MAPK4: variants seen among roughly 807,000 people sequenced by gnomAD.
MAPK4 encodes the protein mitogen-activated protein kinase 4, also known as Erk3-related.
A neutral mutation model predicts 47.7 loss-of-function variants in MAPK4; 22 were observed. The observed-to-expected ratio is 0.46, with a 90% confidence interval of 0.33 to 0.66. MAPK4 has a LOEUF of 0.66. Ranked by LOEUF, MAPK4 falls within the 30% of genes least tolerant of loss-of-function variation. The pLI is 0.02. For synonymous variants in MAPK4, 390 were observed against 365.7 expected (o/e 1.07, Z -0.76); for missense variants, 736 against 831.7 (o/e 0.88, Z 1.42).
rs78929020 is a variant in MAPK4 at position 50,577,913 on chromosome 18, T to C, written c.-871+17670T>C. Among the ~76,000 whole-genome samples the C allele has an allele frequency of 2.5e-4, 38 of 152,320 alleles. No individual in the cohort carries two copies. In the East Asian group the frequency reaches 7.3e-3, roughly 29 times the overall value. On this transcript the variant is annotated intron_variant, in intron 1 of 5. Transcript: ENST00000400384. Reference sequence around the variant, plus strand: ...GCACATCTGCCTGTCATACTCCTGATGTATCTAACATTGTTATTTGGAGAA... The same window carrying C: ...GCACATCTGCCTGTCATACTCCTGACGTATCTAACATTGTTATTTGGAGAA...
chr18:50,619,235 G>GA (rs2042710254), intron 1 of MAPK4, among the ~76,000 whole-genome samples: 1 of 152,286 alleles, frequency 6.6e-6, no homozygotes, highest in African/African-American at 2.4e-5. Flanking sequence ...AAAATTAAGT[G>GA]ATCAGCCATG....
At chr18:50,698,032 G>A (rs573461330) in intron 2 of MAPK4, among the ~76,000 whole-genome samples, 73 of 152,308 alleles carry the variant, frequency 4.8e-4, no homozygotes, top group Non-Finnish European at 8.2e-4. Context: ...AAATCAAAGT[G>A]GCAGCTGATC....
rs1911377740 is a variant in MAPK4, at chr18:50,729,214, C to G, written c.1124C>G (p.Ala375Gly). 6.3e-7 allele frequency: 1 copy of G among 1,599,866 alleles called. No individual in the cohort carries two copies. Among genetic ancestry groups the G allele is most frequent in the South Asian group, 1.1e-5 (1 of 90,604 alleles). ...LEWRPDRCQD[A>G]SEVQRDPRAG... ...TGGCGGCCTGACCGGTGCCAGGACG[C>G]CAGCGAGGTACAGCGCGACCCGCGC... The change falls in exon 6 of 6, where the codon GCC (alanine) becomes GGC (glycine). Residue 375 changes from alanine (A) to glycine (G), a missense_variant. Around this residue, in one of 3 missense-constraint regions of MAPK4, gnomAD observed 377 missense variants for 378.6 expected, o/e 1.00. Transcript: ENST00000400384.
At chr18:50,721,819 C>T in intron 3 of MAPK4, 119 bp from the exon 4 acceptor site, 4 of 910,792 alleles carry the variant, frequency 4.4e-6, no homozygotes, top group Non-Finnish European at 6.6e-6. Flanking sequence ...CCGGTCCCAG[C>T]CCAGTGCTGC....
chr18:50,685,169 G>A (rs1236554976), intron 2 of MAPK4, among the ~76,000 whole-genome samples: 2 of 152,200 alleles, frequency 1.3e-5, no homozygotes, highest in Non-Finnish European at 2.9e-5. Context: ...GTGACCAGGA[G>A]CAAACATTAC....
intron 1 of MAPK4, among the ~76,000 whole-genome samples, chr18:50,568,141 A>G (rs1484379715): frequency 6.6e-6 from 1 of 151,112 alleles, no homozygotes; most frequent in Non-Finnish European, 1.5e-5. Context: ...GCTTGCAGTG[A>G]GCCGAGATCG....
At chr18:50,684,307 C>T (rs899742994) in intron 2 of MAPK4, among the ~76,000 whole-genome samples, 3 of 152,178 alleles carry the variant, frequency 2.0e-5, no homozygotes, top group Non-Finnish European at 2.9e-5. Context: ...TGCTTTGGGA[C>T]GCTGAGGTGG....
chr18:50,586,559 C>T lies in MAPK4; in HGVS notation c.-871+26316C>T, dbSNP rs1356287181. On this transcript the variant is annotated intron_variant, in intron 1 of 5. Transcript: ENST00000400384. ...GGGCAGAAAACGTAATGTATTTAGG[C>T]CTCAGAGTCCTCATCTGCAAATGTG... Among the ~76,000 whole-genome samples, 4 of 151,916 alleles carry T rather than the reference C, an allele frequency of 2.6e-5. No homozygotes were observed. In the East Asian group the frequency reaches 5.8e-4, roughly 22 times the overall value.
intron 1 of MAPK4, among the ~76,000 whole-genome samples, chr18:50,650,879 A>G (rs2043041217): frequency 6.6e-6 from 1 of 152,230 alleles, no homozygotes; most frequent in Non-Finnish European, 1.5e-5. Flanking sequence ...AATCCTGGCC[A>G]TGCACGGGCC....
intron 1 of MAPK4, among the ~76,000 whole-genome samples, chr18:50,609,388 T>A (rs2042612551): frequency 6.6e-6 from 1 of 151,036 alleles, no homozygotes; most frequent in Admixed American, 6.6e-5. Context: ...GGGCGGGGGC[T>A]GCCCCCCGCC....
intron 1 of MAPK4, among the ~76,000 whole-genome samples, chr18:50,571,258 T>G (rs568368536): frequency 1.3e-5 from 2 of 152,234 alleles, no homozygotes; most frequent in African/African-American, 4.8e-5. Flanking sequence ...GAAAAATTAG[T>G]CCACCATATT....
At chr18:50,699,375 G>A (rs1388995058) in intron 2 of MAPK4, among the ~76,000 whole-genome samples, 1 of 152,186 alleles carries the variant, frequency 6.6e-6, no homozygotes, top group Non-Finnish European at 1.5e-5. Flanking sequence ...CATTGCACTA[G>A]TGGTCCTAGC....
intron 1 of MAPK4, among the ~76,000 whole-genome samples, chr18:50,640,787 T>G (rs1047786619): frequency 6.6e-6 from 1 of 152,054 alleles, no homozygotes; most frequent in East Asian, 1.9e-4. Flanking sequence ...TTTTCATCTT[T>G]CATCCCTTCT....
chr18:50,571,461 A>G (rs1177136584), intron 1 of MAPK4, among the ~76,000 whole-genome samples: 3 of 152,198 alleles, frequency 2.0e-5, no homozygotes, highest in African/African-American at 7.2e-5. Flanking sequence ...TTTTGGAGGC[A>G]GAATGGCCAG....
chr18:50,684,721 T>C (rs1259726415), intron 2 of MAPK4, among the ~76,000 whole-genome samples: 1 of 151,286 alleles, frequency 6.6e-6, no homozygotes, highest in Non-Finnish European at 1.5e-5. Flanking sequence ...GGGAGGGAGG[T>C]CAGATTGCTC....
chr18:50,614,572 C>G (rs2042667668), intron 1 of MAPK4, among the ~76,000 whole-genome samples: 2 of 152,106 alleles, frequency 1.3e-5, no homozygotes, highest in South Asian at 4.1e-4. Flanking sequence ...TATAAAGGAT[C>G]AGTTTCACCT....
intron 1 of MAPK4, among the ~76,000 whole-genome samples, chr18:50,657,885 C>A (rs1207446680): frequency 6.6e-6 from 1 of 152,088 alleles, no homozygotes; most frequent in East Asian, 1.9e-4. Flanking sequence ...TGCCTGATGG[C>A]CGAACCAGAC....
chr18:50,597,748 T>C (rs2042495967), intron 1 of MAPK4, among the ~76,000 whole-genome samples: 1 of 152,176 alleles, frequency 6.6e-6, no homozygotes, highest in Non-Finnish European at 1.5e-5. Context: ...ACCTAGATTA[T>C]CTCTGGGGCT....
At chr18:50,670,913 T>C (rs1306576424) in intron 2 of MAPK4, among the ~76,000 whole-genome samples, 2 of 152,220 alleles carry the variant, frequency 1.3e-5, no homozygotes, top group East Asian at 3.8e-4. Flanking sequence ...ATCTGTGTTT[T>C]CACAAGCCTC....
Sources: gnomAD v4.1 joint callset for allele counts (sites outside exome capture counted in the v4.1 genomes callset) on GRCh38, gnomAD v4.1.1 for gene constraint, gnomAD v4.1.1 regional missense constraint, MANE v1.5 for transcripts, NCBI Gene and HGNC (gene_info 2026-07-23, HGNC 2026-07-21) for gene names.